RPS6KB1: variants seen among roughly 807,000 people sequenced by gnomAD.
RPS6KB1 encodes the protein ribosomal protein S6 kinase B1.
A neutral mutation model predicts 70.2 loss-of-function variants in RPS6KB1; 12 were observed. That is an observed-to-expected ratio of 0.17 (90% confidence interval 0.11 to 0.28). The LOEUF (loss-of-function observed/expected upper bound fraction) is 0.28, where lower values mean the gene tolerates loss of function less well. Among genes scored for constraint, RPS6KB1 ranks in the 10% least tolerant of loss-of-function variants. The probability of loss-of-function intolerance (pLI) is 1.00; values close to 1 mark genes in which losing one functional copy is unlikely to be tolerated. For missense variants in RPS6KB1, 270 were observed against 646.6 expected (o/e 0.42, Z 6.32); for synonymous variants, 175 against 211.2 (o/e 0.83, Z 1.49).
intron 13 of RPS6KB1, among the ~76,000 whole-genome samples, chr17:59,942,457 G>A (rs1332335348): frequency 6.6e-6 from 1 of 152,142 alleles, no homozygotes. Context: ...TAGCACATAT[G>A]CTTGTTGATT....
rs1175452999 is a variant in RPS6KB1, at chr17:59,911,541, T to TTG, written c.191+931_191+932insGT. ...ACACCTGGCTAATTTTTGTTGGGTTTTTTTTTTTTTTTTTTTTTTTTGAGA... is the reference window on the plus strand; with the variant it reads ...ACACCTGGCTAATTTTTGTTGGGTTTTGTTTTTTTTTTTTTTTTTTTTTGAGA... On this transcript the variant is annotated intron_variant, in intron 2 of 14. Transcript: ENST00000225577. Among the ~76,000 whole-genome samples, 277 of 126,682 alleles carry TTG rather than the reference T, an allele frequency of 2.2e-3. 2 individuals carry two copies. Among genetic ancestry groups the TTG allele is most frequent in the African/African-American group, 8.3e-3 (254 of 30,626 alleles). 83.1% of individuals were successfully genotyped at this position (126,682 alleles called of 152,430 possible). A position where few individuals can be genotyped will look rare whatever the true frequency, so the allele number is the denominator to read the frequency against.
chr17:59,914,740 A>G (rs370531384), intron 4 of RPS6KB1, 37 bp downstream of exon 4: 16 of 1,369,704 alleles, frequency 1.2e-5, no homozygotes, highest in Non-Finnish European at 1.6e-5. Flanking sequence ...CTCACACACC[A>G]TATTTTTACA....
intron 4 of RPS6KB1, 57 bp downstream of exon 4, chr17:59,914,760 A>C: frequency 1.3e-5 from 16 of 1,232,686 alleles, no homozygotes; most frequent in East Asian, 2.4e-5. Flanking sequence ...ACTTGATCTC[A>C]GCCAAAAGGC....
In RPS6KB1 at chr17:59,934,792, G is replaced by A; in HGVS notation, c.870+268G>A. On this transcript the variant is annotated intron_variant, in intron 9 of 14. Coordinates refer to ENST00000225577, the MANE Select transcript of RPS6KB1 (RefSeq NM_003161.4). The surrounding 1 kb of genome is among the most constrained non-coding windows in gnomAD (Gnocchi z 4.8). ...CCCTTATTTTATAAATGGAGAAATT[G>A]AAGCATAAAATCACATAGCTCACTT... 2.3e-6 allele frequency: 1 copy of A among 433,614 alleles called. No homozygotes were observed. Among genetic ancestry groups the A allele is most frequent in the East Asian group, 4.0e-5 (1 of 24,908 alleles). 26.9% of individuals were successfully genotyped at this position (433,614 alleles called of 1,614,324 possible).
chr17:59,906,782 CT>C (rs1301634197), intron 1 of RPS6KB1, among the ~76,000 whole-genome samples: 1 of 152,104 alleles, frequency 6.6e-6, no homozygotes, highest in Admixed American at 6.6e-5. Context: ...CAACGTCTGC[CT>C]TACGGGTTCA....
intron 13 of RPS6KB1, among the ~76,000 whole-genome samples, chr17:59,943,585 TAA>T (rs138428396): frequency 0.053 from 7,976 of 150,820 alleles, 285 homozygotes; most frequent in Non-Finnish European, 0.08. Flanking sequence ...TAAACATTAA[TAA>T]AAAAAAATAG....
At chr17:59,923,662 A>T (rs2043413742) in intron 4 of RPS6KB1, among the ~76,000 whole-genome samples, 1 of 151,706 alleles carries the variant, frequency 6.6e-6, no homozygotes, top group Non-Finnish European at 1.5e-5. Context: ...GGTGCCTGCC[A>T]CCACGCCCGG....
At position 59,949,631 on chromosome 17, in the gene RPS6KB1, T is replaced by C. The variant is rs1209963489; in HGVS notation, c.*2843T>C. Reference sequence around the variant, plus strand: ...AATGTAAAGTATTAATTATTGAACTTTGAACCAGATTTTTAGGAAAATTAT... The same window carrying C: ...AATGTAAAGTATTAATTATTGAACTCTGAACCAGATTTTTAGGAAAATTAT... On this transcript the variant is annotated 3_prime_UTR_variant, in exon 15 of 15. Coordinates refer to ENST00000225577, the MANE Select transcript of RPS6KB1 (RefSeq NM_003161.4). The C allele has an allele frequency of 6.6e-6, 1 of 152,550 alleles. No individual in the cohort carries two copies. The highest frequency in any genetic ancestry group is 6.5e-5 in the Admixed American group (1 of 15,268). 9.4% of individuals were successfully genotyped at this position (152,550 alleles called of 1,614,324 possible).
In RPS6KB1 at chr17:59,948,834, G is replaced by A. The variant is rs1052536497; in HGVS notation, c.*2046G>A. The A allele has an allele frequency of 3.3e-5, 5 of 152,646 alleles. No homozygotes were observed. The highest frequency in any genetic ancestry group is 5.9e-5 in the Non-Finnish European group (4 of 68,004). The allele number at this position is 152,646 out of a possible 1,614,324, so 9.5% of individuals were successfully genotyped here. A position where few individuals can be genotyped will look rare whatever the true frequency, so the allele number is the denominator to read the frequency against. On this transcript the variant is annotated 3_prime_UTR_variant, in exon 15 of 15. Transcript: ENST00000225577. Reference sequence around the variant, plus strand: ...TGTGATGTCTGAAAAAACAGAACCCGAAAAGCTATGGTGATATGTACAGGC... The same window carrying A: ...TGTGATGTCTGAAAAAACAGAACCCAAAAAGCTATGGTGATATGTACAGGC...
chr17:59,932,742 G>A (rs1462070117), intron 7 of RPS6KB1, among the ~76,000 whole-genome samples: 1 of 151,942 alleles, frequency 6.6e-6, no homozygotes, highest in Non-Finnish European at 1.5e-5. Flanking sequence ...TTGTAGAAAT[G>A]GGGTTTCATC....
intron 13 of RPS6KB1, among the ~76,000 whole-genome samples, chr17:59,941,525 T>C (rs2044583135): frequency 6.6e-6 from 1 of 152,134 alleles, no homozygotes; most frequent in Non-Finnish European, 1.5e-5. Context: ...CTCACTATTT[T>C]ACTCCTGGAC....
chr17:59,913,131 C>T (rs2042745856), intron 3 of RPS6KB1, among the ~76,000 whole-genome samples: 1 of 152,174 alleles, frequency 6.6e-6, no homozygotes, highest in Admixed American at 6.5e-5. Context: ...ATAAAGCCCT[C>T]CTTGCTTACA....
At chr17:59,937,865 TGTTA>T (rs1168373761) in intron 12 of RPS6KB1, among the ~76,000 whole-genome samples, 8 of 152,102 alleles carry the variant, frequency 5.3e-5, no homozygotes, top group Admixed American at 2.0e-4. Context: ...TCAGTTAGTG[TGTTA>T]GTTATTGTCC....
chr17:59,937,608 C>G (rs1396200520), intron 12 of RPS6KB1, among the ~76,000 whole-genome samples: 1 of 152,186 alleles, frequency 6.6e-6, no homozygotes, highest in Non-Finnish European at 1.5e-5. Flanking sequence ...CCTTCATGTT[C>G]ACATGGTGTT....
chr17:59,919,059 G>T lies in RPS6KB1; in HGVS notation c.381+4356G>T, dbSNP rs189475906. Among the ~76,000 whole-genome samples the T allele has an allele frequency of 4.5e-3, 692 of 152,094 alleles. 14 individuals carry two copies. In the South Asian group the frequency reaches 0.046, roughly 10 times the overall value. ...GTTGTCAGCCTGATCTCGAACTCCT[G>T]ACCTCAAGTGATCTGTCCACCTAGG... On this transcript the variant is annotated intron_variant, in intron 4 of 14. Coordinates refer to ENST00000225577, the MANE Select transcript of RPS6KB1 (RefSeq NM_003161.4).
At chr17:59,930,641 C>T (rs2043877189) in intron 6 of RPS6KB1, among the ~76,000 whole-genome samples, 1 of 152,120 alleles carries the variant, frequency 6.6e-6, no homozygotes, top group Non-Finnish European at 1.5e-5. Flanking sequence ...CTAAACATGT[C>T]ATCTGCTTCA....
chr17:59,927,465 C>T (rs1440396875), intron 5 of RPS6KB1, among the ~76,000 whole-genome samples: 2 of 151,838 alleles, frequency 1.3e-5, no homozygotes, highest in Non-Finnish European at 2.9e-5. Flanking sequence ...CAGAAAGCTA[C>T]AGAATGTAGC....
intron 3 of RPS6KB1, 90 bp from the exon 4 acceptor site, chr17:59,914,545 G>T (rs763748810): frequency 8.3e-5 from 74 of 896,824 alleles, no homozygotes; most frequent in Non-Finnish European, 1.2e-4. Context: ...AATATAAACT[G>T]CTGTGGCATA....
At chr17:59,900,393 C>G (rs1417146085) in intron 1 of RPS6KB1, among the ~76,000 whole-genome samples, 1 of 151,894 alleles carries the variant, frequency 6.6e-6, no homozygotes, top group Non-Finnish European at 1.5e-5. Context: ...GAGATGGAGT[C>G]TCACTCTTGT....
Sources: gnomAD v4.1 joint callset for allele counts (sites outside exome capture counted in the v4.1 genomes callset) on GRCh38, gnomAD v4.1.1 for gene constraint, Gnocchi (gnomAD v3.1) non-coding constraint, MANE v1.5 for transcripts, NCBI Gene and HGNC (gene_info 2026-07-23, HGNC 2026-07-21) for gene names.